The following CAST variants were observed in gnomAD, a reference collection of about 807,000 sequenced individuals.
CAST encodes the protein calpastatin, also known as MIR583 host.
In CAST, 76 loss-of-function variants were observed where a neutral mutation model predicts 119.6. The ratio of observed to expected loss-of-function variants is 0.64; its 90% CI spans 0.53 to 0.77. The LOEUF is 0.77. Among genes scored for constraint, CAST ranks in the 30% least tolerant of loss-of-function variants. The pLI is 0.00. For synonymous variants in CAST, 319 were observed against 331.6 expected (o/e 0.96, Z 0.41); for missense variants, 953 against 946.5 (o/e 1.01, Z -0.09).
the CAST span, among the ~76,000 whole-genome samples, chr5:96,234,484 A>AT: frequency 2.6e-5 from 4 of 151,998 alleles, no homozygotes; most frequent in Non-Finnish European, 5.9e-5. Flanking sequence ...CCAAACAGGA[A>AT]TTTTTTTTCC....
At chr5:96,430,097 A>G in the CAST span, among the ~76,000 whole-genome samples, 2 of 152,242 alleles carry the variant, frequency 1.3e-5, no homozygotes, top group Non-Finnish European at 2.9e-5. Flanking sequence ...ATTAGCCACT[A>G]TTAGTGATCG....
intron 2 of CAST, among the ~76,000 whole-genome samples, chr5:96,680,380 G>GAAAAAA (rs1751255045): frequency 1.4e-5 from 1 of 72,738 alleles, no homozygotes; most frequent in African/African-American, 7.5e-5. Flanking sequence ...AAAAAAAAAA[G>GAAAAAA]AAGAAGAAGA....
chr5:96,166,505 C>T, the CAST span, among the ~76,000 whole-genome samples: 98 of 152,298 alleles, frequency 6.4e-4, no homozygotes, highest in Admixed American at 3.9e-3. Context: ...GATACAGAAA[C>T]ACCATCCAGG....
intron 24 of CAST, among the ~76,000 whole-genome samples, chr5:96,760,352 A>G (rs1181748575): frequency 2.6e-5 from 4 of 152,002 alleles, no homozygotes; most frequent in Admixed American, 2.6e-4. Context: ...TAAAAGATCT[A>G]TTTAAAATTT....
chr5:96,049,228 T>A, the CAST span, among the ~76,000 whole-genome samples: 3 of 152,192 alleles, frequency 2.0e-5, no homozygotes, highest in African/African-American at 7.2e-5. Context: ...AACATGATTT[T>A]AAAAAAAGAA....
At chr5:96,011,711 A>T in the CAST span, among the ~76,000 whole-genome samples, 23 of 152,170 alleles carry the variant, frequency 1.5e-4, no homozygotes, top group Non-Finnish European at 2.9e-4. Flanking sequence ...ATTGTGAATT[A>T]CCCCAAATTA....
chr5:96,721,351 T>G (rs1758219978), intron 3 of CAST, among the ~76,000 whole-genome samples: 1 of 152,218 alleles, frequency 6.6e-6, no homozygotes, highest in South Asian at 2.1e-4. Flanking sequence ...AGCATCAATG[T>G]GTTCTGCATT....
At chr5:96,287,622 A>G in the CAST span, among the ~76,000 whole-genome samples, 5 of 152,136 alleles carry the variant, frequency 3.3e-5, no homozygotes, top group African/African-American at 1.2e-4. Flanking sequence ...TGTTAAATAT[A>G]AGAACTATAT....
chr5:96,754,399 C>T (rs906756764), intron 21 of CAST, among the ~76,000 whole-genome samples: 2 of 152,194 alleles, frequency 1.3e-5, no homozygotes, highest in African/African-American at 4.8e-5. Context: ...CATCTTTGCC[C>T]ACCTGCATTG....
chr5:96,202,768 T>C, the CAST span, among the ~76,000 whole-genome samples: 1 of 152,094 alleles, frequency 6.6e-6, no homozygotes, highest in Non-Finnish European at 1.5e-5. Context: ...TTAGATCTTT[T>C]TCCCTAATGA....
intron 1 of CAST, among the ~76,000 whole-genome samples, chr5:96,630,650 G>A (rs1045348040): frequency 2.6e-5 from 4 of 152,116 alleles, no homozygotes; most frequent in Non-Finnish European, 4.4e-5. Context: ...GCCAGTTGTT[G>A]TGGTGCATGC....
chr5:96,279,712 T>C, the CAST span, among the ~76,000 whole-genome samples: 12 of 152,350 alleles, frequency 7.9e-5, 1 homozygote, highest in African/African-American at 2.9e-4. Flanking sequence ...ATACTTGCAT[T>C]ATATTTTGAG....
chr5:96,657,365 A>G (rs1748178991), upstream of CAST, among the ~76,000 whole-genome samples: 1 of 152,214 alleles, frequency 6.6e-6, no homozygotes, highest in African/African-American at 2.4e-5. Flanking sequence ...CCTTCTGGAT[A>G]GGCTACAAGA....
chr5:96,130,341 A>G, the CAST span, among the ~76,000 whole-genome samples: 2 of 152,022 alleles, frequency 1.3e-5, no homozygotes, highest in Non-Finnish European at 2.9e-5. Flanking sequence ...AAGGCCATCA[A>G]AAAACAAAGA....
chr5:96,559,532 G>C (rs1028415576), intron 1 of CAST, among the ~76,000 whole-genome samples: 26 of 152,090 alleles, frequency 1.7e-4, no homozygotes, highest in African/African-American at 6.3e-4. Flanking sequence ...AAATCAATGT[G>C]CAAAAATCAC....
the CAST span, among the ~76,000 whole-genome samples, chr5:96,277,310 C>T: frequency 5.3e-5 from 8 of 152,220 alleles, no homozygotes; most frequent in South Asian, 1.7e-3. Context: ...CAAGCAATGT[C>T]TAAATTCCAT....
the CAST span, among the ~76,000 whole-genome samples, chr5:96,103,025 A>G: frequency 6.6e-6 from 1 of 152,126 alleles, no homozygotes. Flanking sequence ...AGGGTTTAGG[A>G]GAATATCAGT....
the CAST span, among the ~76,000 whole-genome samples, chr5:96,106,234 C>T: frequency 6.6e-6 from 1 of 152,114 alleles, no homozygotes; most frequent in African/African-American, 2.4e-5. Flanking sequence ...CAGTTCTGCT[C>T]TGATTTTAGT....
chr5:96,450,691 A>C, the CAST span, among the ~76,000 whole-genome samples: 2 of 152,218 alleles, frequency 1.3e-5, no homozygotes, highest in Admixed American at 1.3e-4. Flanking sequence ...CATTGCTCCA[A>C]TGCCTTAATG....
Sources: gnomAD v4.1 joint callset for allele counts (sites outside exome capture counted in the v4.1 genomes callset) on GRCh38, gnomAD v4.1.1 for gene constraint, MANE v1.5 for transcripts, NCBI Gene and HGNC (gene_info 2026-07-23, HGNC 2026-07-21) for gene names.